The following GRB2 variants were observed in gnomAD, a reference collection of about 807,000 sequenced individuals.
The protein encoded by GRB2 is growth factor receptor bound protein 2, also known as growth factor receptor-bound protein 2.
In GRB2, 2 loss-of-function variants were observed where a neutral mutation model predicts 27.4. The ratio of observed to expected loss-of-function variants is 0.07; its 90% CI spans 0.03 to 0.23. The LOEUF (loss-of-function observed/expected upper bound fraction) is 0.23, where lower values mean the gene tolerates loss of function less well. Ranked by LOEUF, GRB2 falls within the 10% of genes least tolerant of loss-of-function variation. The pLI, the probability that GRB2 is intolerant of heterozygous loss-of-function variation, is 1.00. For synonymous variants in GRB2, 94 were observed against 99.6 expected (o/e 0.94, Z 0.33); for missense variants, 102 against 282.4 (o/e 0.36, Z 4.58).
chr17:75,333,550 G>C lies in GRB2; in HGVS notation c.79-753C>G, dbSNP rs117890252. 4.3e-4 allele frequency among the ~76,000 whole-genome samples: 65 copies of C among 152,256 alleles called. No homozygotes were observed. In the East Asian group the frequency reaches 0.012, roughly 28 times the overall value. ...CAGAACCTTTTATTAGACTCCTCTA[G>C]AGATCTTCCAACCGACCTCCAGAAT... On this transcript the variant is annotated intron_variant, in intron 2 of 5. Coordinates refer to ENST00000316804, the MANE Select transcript of GRB2 (RefSeq NM_002086.5).
chr17:75,399,754 C>A (rs1238438928), intron 1 of GRB2, among the ~76,000 whole-genome samples: 1 of 151,784 alleles, frequency 6.6e-6, no homozygotes, highest in Non-Finnish European at 1.5e-5. Flanking sequence ...GCTGCAAGCT[C>A]CGTCTCCCAG....
At chr17:75,354,236 A>C (rs936517409) in intron 2 of GRB2, among the ~76,000 whole-genome samples, 2 of 121,208 alleles carry the variant, frequency 1.7e-5, no homozygotes, top group Non-Finnish European at 3.3e-5. Flanking sequence ...GAGTTGTACA[A>C]GCAAAGTTTA....
rs79533758 is a variant in GRB2, at chr17:75,396,570, G to A, written c.-137-2805C>T. Among the ~76,000 whole-genome samples the A allele has an allele frequency of 3.3e-5, 5 of 152,130 alleles. No homozygotes were observed. The East Asian group carries it at 9.7e-4, about 29-fold the overall frequency. On this transcript the variant is annotated intron_variant, in intron 1 of 5. Transcript: ENST00000316804. Reference sequence around the variant, plus strand: ...GCTCCAGTTTCGTCATCTGTAAAATGAGAATAATATCTACCTTTTAAGACC... The same window carrying A: ...GCTCCAGTTTCGTCATCTGTAAAATAAGAATAATATCTACCTTTTAAGACC...
In GRB2 at chr17:75,393,922, T is replaced by A. The variant is rs549600044; in HGVS notation, c.-137-157A>T. 1.5e-5 allele frequency: 7 copies of A among 459,346 alleles called. No homozygotes were observed. In the East Asian group the frequency reaches 2.6e-4, roughly 17 times the overall value. The allele number at this position is 459,346 out of a possible 1,614,324, so 28.5% of individuals were successfully genotyped here. ...GCAACAGCCCCCCCCCGCCGACTTC[T>A]TCCTCTTTTCAGCCTCGGCCCCCAG... is the stretch of plus-strand genomic sequence containing the variant. On this transcript the variant is annotated intron_variant, in intron 1 of 5. Coordinates refer to ENST00000316804, the MANE Select transcript of GRB2 (RefSeq NM_002086.5).
intron 3 of GRB2, 188 bp from the exon 4 acceptor site, chr17:75,326,208 A>C: frequency 1.6e-6 from 1 of 610,938 alleles, no homozygotes; most frequent in Admixed American, 2.9e-5. Context: ...AAAGGTCTTT[A>C]GCCTACTCCA....
intron 2 of GRB2, among the ~76,000 whole-genome samples, chr17:75,362,241 C>T (rs1016325077): frequency 6.6e-6 from 1 of 152,170 alleles, no homozygotes; most frequent in Non-Finnish European, 1.5e-5. Context: ...TAATCATCAT[C>T]ACCTCCGCCA....
intron 2 of GRB2, chr17:75,344,267 G>A (rs544989859): frequency 6.6e-6 from 1 of 152,272 alleles, no homozygotes; most frequent in Middle Eastern, 3.4e-3. Flanking sequence ...CAAGTAGACA[G>A]ATTGTTGTTT....
chr17:75,323,669 C>T (rs2078475842), intron 4 of GRB2, among the ~76,000 whole-genome samples: 1 of 152,282 alleles, frequency 6.6e-6, no homozygotes, highest in Non-Finnish European at 1.5e-5. Context: ...AGCGTCCAGC[C>T]GAGCACGTGG....
chr17:75,321,430 G>A (rs955807326), intron 5 of GRB2, among the ~76,000 whole-genome samples: 2 of 152,094 alleles, frequency 1.3e-5, no homozygotes, highest in Non-Finnish European at 2.9e-5. Flanking sequence ...GCCTGCCTCG[G>A]CCTCCCAAAG....
chr17:75,348,307 A>G (rs985089037), intron 2 of GRB2, among the ~76,000 whole-genome samples: 1 of 152,144 alleles, frequency 6.6e-6, no homozygotes, highest in Non-Finnish European at 1.5e-5. Context: ...CAGCCTCCCA[A>G]AGTGCTGGGC....
intron 1 of GRB2, among the ~76,000 whole-genome samples, chr17:75,397,205 T>C (rs1282862871): frequency 1.3e-5 from 2 of 152,138 alleles, no homozygotes; most frequent in Non-Finnish European, 2.9e-5. Context: ...CAAAAGAGCA[T>C]ATTCGCTAAA....
intron 2 of GRB2, among the ~76,000 whole-genome samples, chr17:75,341,246 A>G (rs1219852654): frequency 6.6e-6 from 1 of 151,920 alleles, no homozygotes; most frequent in African/African-American, 2.4e-5. Context: ...AGCCTGGTCA[A>G]CATGGTGAAA....
At chr17:75,368,278 C>A (rs1239848613) in intron 2 of GRB2, among the ~76,000 whole-genome samples, 2 of 144,806 alleles carry the variant, frequency 1.4e-5, no homozygotes, top group Non-Finnish European at 3.0e-5. Flanking sequence ...TGCAGTGATG[C>A]GATCTTGGCT....
intron 2 of GRB2, among the ~76,000 whole-genome samples, chr17:75,368,913 T>C (rs116468926): frequency 1.1e-4 from 16 of 152,340 alleles, no homozygotes; most frequent in African/African-American, 3.4e-4. Flanking sequence ...CTGCTTCTCA[T>C]ATACTTGCTG....
chr17:75,330,611 T>G (rs1033253871), intron 3 of GRB2, among the ~76,000 whole-genome samples: 4 of 151,624 alleles, frequency 2.6e-5, no homozygotes, highest in African/African-American at 9.7e-5. Context: ...CAGGCGGAGG[T>G]TGCAGTGAGC....
At chr17:75,324,351 C>G in intron 4 of GRB2, among the ~76,000 whole-genome samples, 1 of 149,148 alleles carries the variant, frequency 6.7e-6, no homozygotes, top group South Asian at 2.1e-4. Flanking sequence ...GCCACCACGC[C>G]GAGGCCATTT....
intron 2 of GRB2, among the ~76,000 whole-genome samples, chr17:75,337,794 C>T (rs1411034270): frequency 6.6e-6 from 1 of 150,432 alleles, no homozygotes; most frequent in Admixed American, 6.6e-5. Context: ...CGGTCTTGAT[C>T]TGACCTCGTG....
Position 75,332,734 on chromosome 17 carries a change from T to C in GRB2, c.142A>G (p.Ile48Val). 6.2e-7 allele frequency: 1 copy of C among 1,611,722 alleles called. No individual in the cohort carries two copies. The change falls in exon 3 of 6, where the codon ATT becomes GTT. Residue 48 changes from isoleucine to valine, a missense_variant. Coordinates refer to ENST00000316804, the MANE Select transcript of GRB2 (RefSeq NM_002086.5). The part of the protein sequence containing the change: ...KAELNGKDGF[I>V]PKNYIEMKPH... Reference sequence around the variant, plus strand: ...TTCATTTCTATGTAGTTCTTGGGAATGAAGCCGTCTTTTCCATTAAGCTCT... The same window carrying C: ...TTCATTTCTATGTAGTTCTTGGGAACGAAGCCGTCTTTTCCATTAAGCTCT...
At chr17:75,354,276 G>GGT (rs2078715708) in intron 2 of GRB2, among the ~76,000 whole-genome samples, 1 of 122,236 alleles carries the variant, frequency 8.2e-6, no homozygotes, top group Non-Finnish European at 1.7e-5. Context: ...GGGGGGGGGG[G>GGT]GAGATGGAGT....
Sources: allele counts gnomAD v4.1 joint callset (sites outside exome capture counted in the v4.1 genomes callset), GRCh38; gene constraint gnomAD v4.1.1; transcripts MANE v1.5; gene names NCBI Gene and HGNC (gene_info 2026-07-23, HGNC 2026-07-21).